MTHFD1L: variants seen among roughly 807,000 people sequenced by gnomAD.
MTHFD1L encodes the protein monofunctional C1-tetrahydrofolate synthase, mitochondrial.
A neutral mutation model predicts 119.5 loss-of-function variants in MTHFD1L; 81 were observed. The observed-to-expected ratio is 0.68, with a 90% CI of 0.57 to 0.82. The LOEUF (loss-of-function observed/expected upper bound fraction) is 0.82, where lower values mean the gene tolerates loss of function less well. Among genes scored for constraint, MTHFD1L ranks in the 40% least tolerant of loss-of-function variants. The pLI, the probability that MTHFD1L is intolerant of heterozygous loss-of-function variation, is 0.00. For synonymous variants in MTHFD1L, 430 were observed against 475.2 expected (o/e 0.90, Z 1.24); for missense variants, 1,125 against 1,253.4 (o/e 0.90, Z 1.55).
At chr6:150,994,215 C>G (rs931415518) in intron 20 of MTHFD1L, among the ~76,000 whole-genome samples, 2 of 152,022 alleles carry the variant, frequency 1.3e-5, no homozygotes, top group Non-Finnish European at 2.9e-5. Flanking sequence ...ACCTGGTAGT[C>G]CAGGATGGTT....
At chr6:151,035,129 A>G (rs190570305) in intron 25 of MTHFD1L, among the ~76,000 whole-genome samples, 1 of 152,300 alleles carries the variant, frequency 6.6e-6, no homozygotes, top group East Asian at 1.9e-4. Flanking sequence ...AGGCTCCATC[A>G]TCTTCTACCT....
At chr6:151,012,025 A>ATAAC (rs1562535606) in intron 21 of MTHFD1L, among the ~76,000 whole-genome samples, 1 of 53,012 alleles carries the variant, frequency 1.9e-5, no homozygotes, top group African/African-American at 8.2e-5. Flanking sequence ...ACAACAAAAA[A>ATAAC]AAAAAAAAAA....
intron 8 of MTHFD1L, among the ~76,000 whole-genome samples, chr6:150,916,179 A>T (rs1787822932): frequency 6.6e-6 from 1 of 152,100 alleles, no homozygotes; most frequent in African/African-American, 2.4e-5. Flanking sequence ...TGTCTTCAAA[A>T]ATGTTGCTAT....
At chr6:150,949,245 G>A in intron 16 of MTHFD1L, 112 bp downstream of exon 16, 1 of 772,868 alleles carries the variant, frequency 1.3e-6, no homozygotes, top group Non-Finnish European at 2.2e-6. Flanking sequence ...GATCTTCCCA[G>A]CCTGTGCTTC....
At position 151,034,474 on chromosome 6, in the gene MTHFD1L, A is replaced by G. The variant is rs755877893; in HGVS notation, c.2587-19A>G. ...CAGATTAAACTTATACAATTTTGTT[A>G]TAATTTGTGTTTCTCCAGGTTCCAA... On this transcript the variant is annotated intron_variant, in intron 24 of 27. Transcript: ENST00000367321. The G allele has an allele frequency of 6.7e-7, 1 of 1,491,080 alleles. No individual in the cohort carries two copies. The highest frequency in any genetic ancestry group is 9.3e-7 in the Non-Finnish European group (1 of 1,071,846). The allele number at this position is 1,491,080 out of a possible 1,614,324, so 92.4% of individuals were successfully genotyped here.
intron 21 of MTHFD1L, among the ~76,000 whole-genome samples, chr6:151,011,641 G>T (rs1379656129): frequency 6.6e-6 from 1 of 152,146 alleles, no homozygotes; most frequent in Non-Finnish European, 1.5e-5. Flanking sequence ...TTATTCAGTG[G>T]TTGCACTTTC....
chr6:150,906,699 C>CT (rs1238433890), intron 8 of MTHFD1L, among the ~76,000 whole-genome samples: 2 of 152,218 alleles, frequency 1.3e-5, no homozygotes, highest in Non-Finnish European at 2.9e-5. Flanking sequence ...TTGGCAGCCT[C>CT]TGCTCTCCTT....
chr6:151,018,011 A>G (rs886496460), intron 24 of MTHFD1L, among the ~76,000 whole-genome samples: 8 of 151,734 alleles, frequency 5.3e-5, no homozygotes, highest in Non-Finnish European at 7.4e-5. Context: ...TTTTAAGCAC[A>G]TGTCGATGGT....
intron 24 of MTHFD1L, among the ~76,000 whole-genome samples, chr6:151,029,059 A>G (rs977578849): frequency 5.9e-5 from 9 of 152,162 alleles, no homozygotes; most frequent in African/African-American, 2.2e-4. Context: ...ACCCTGGGTC[A>G]CAAAAAAAGA....
chr6:150,927,455 C>CT (rs543783528), intron 11 of MTHFD1L, among the ~76,000 whole-genome samples: 12,970 of 125,000 alleles, frequency 0.1, 1,029 homozygotes, highest in African/African-American at 0.21. Flanking sequence ...ATCCCAGATT[C>CT]TTTTTTTTTT....
intron 20 of MTHFD1L, among the ~76,000 whole-genome samples, chr6:150,997,279 A>G (rs2128457877): frequency 6.6e-6 from 1 of 152,224 alleles, no homozygotes; most frequent in Non-Finnish European, 1.5e-5. Flanking sequence ...ACAAGGGTGT[A>G]GGTTGCTCTA....
At chr6:150,939,554 C>G (rs1792716001) in intron 13 of MTHFD1L, among the ~76,000 whole-genome samples, 2 of 152,090 alleles carry the variant, frequency 1.3e-5, no homozygotes, top group South Asian at 4.2e-4. Context: ...CTTTCCTGTT[C>G]TGTCATTTCC....
chr6:150,891,140 C>T (rs1783195723), intron 7 of MTHFD1L, among the ~76,000 whole-genome samples: 1 of 152,106 alleles, frequency 6.6e-6, no homozygotes, highest in South Asian at 2.1e-4. Context: ...TGTGCGCCAC[C>T]ATGCCCAGCT....
At chr6:151,017,432 C>T (rs546652335) in intron 24 of MTHFD1L, among the ~76,000 whole-genome samples, 12 of 152,024 alleles carry the variant, frequency 7.9e-5, no homozygotes, top group African/African-American at 1.9e-4. Context: ...CCGCAACCTT[C>T]TGCTCTCGGG....
chr6:151,093,948 C>T (rs1156922315), intron 27 of MTHFD1L, among the ~76,000 whole-genome samples: 4 of 152,150 alleles, frequency 2.6e-5, no homozygotes, highest in South Asian at 2.1e-4. Flanking sequence ...TGGGGACTCT[C>T]GGTCTTATTC....
intron 26 of MTHFD1L, among the ~76,000 whole-genome samples, chr6:151,050,651 C>T (rs1298059084): frequency 2.0e-5 from 3 of 152,104 alleles, no homozygotes; most frequent in Non-Finnish European, 2.9e-5. Flanking sequence ...CCTGTGGGAT[C>T]TGACACTATC....
At chr6:150,872,690 T>G (rs1218264734) in intron 1 of MTHFD1L, among the ~76,000 whole-genome samples, 1 of 152,136 alleles carries the variant, frequency 6.6e-6, no homozygotes, top group East Asian at 1.9e-4. Flanking sequence ...GAAAAATGAC[T>G]CCCATAGACT....
intron 26 of MTHFD1L, among the ~76,000 whole-genome samples, chr6:151,067,385 G>A (rs976254896): frequency 6.6e-6 from 1 of 152,070 alleles, no homozygotes; most frequent in African/African-American, 2.4e-5. Flanking sequence ...GTACAGTGGT[G>A]CAATCTCAGC....
intron 20 of MTHFD1L, among the ~76,000 whole-genome samples, chr6:150,996,496 A>C (rs774402937): frequency 6.6e-6 from 1 of 152,182 alleles, no homozygotes; most frequent in Non-Finnish European, 1.5e-5. Flanking sequence ...CATCAGCAGC[A>C]GCAGAAAAAC....
Sources: gnomAD v4.1 joint callset for allele counts (sites outside exome capture counted in the v4.1 genomes callset) on GRCh38, gnomAD v4.1.1 for gene constraint, MANE v1.5 for transcripts, NCBI Gene and HGNC (gene_info 2026-07-23, HGNC 2026-07-21) for gene names.